Variants in COL21A1 observed in about 807,000 individuals in gnomAD.
The protein encoded by COL21A1 is collagen alpha-1(XXI) chain.
A neutral mutation model predicts 137.9 loss-of-function variants in COL21A1; 149 were observed. That is an observed-to-expected ratio of 1.08 (90% CI 0.95 to 1.24). COL21A1 has a LOEUF of 1.24. Ranked by LOEUF, COL21A1 falls within the 50% of genes most tolerant of loss-of-function variation. The pLI is 0.00. For missense variants in COL21A1, 1,167 were observed against 1,158.4 expected (o/e 1.01, Z -0.11); for synonymous variants, 456 against 391.5 (o/e 1.16, Z -1.95).
At chr6:56,187,958 A>AT (rs903334533) in intron 1 of COL21A1, among the ~76,000 whole-genome samples, 1 of 152,152 alleles carries the variant, frequency 6.6e-6, no homozygotes, top group Non-Finnish European at 1.5e-5. Context: ...AAACAACACA[A>AT]TTTTTTTAAA....
intron 5 of COL21A1, 121 bp downstream of exon 5, chr6:56,170,528 T>C: frequency 1.4e-6 from 1 of 710,982 alleles, no homozygotes; most frequent in Non-Finnish European, 2.3e-6. Flanking sequence ...AACATTAAAA[T>C]TTAAAGTAAA....
chr6:56,210,714 T>C (rs902422116), intron 1 of COL21A1, among the ~76,000 whole-genome samples: 2 of 152,186 alleles, frequency 1.3e-5, no homozygotes, highest in African/African-American at 4.8e-5. Context: ...AAAGTAAAAC[T>C]TGAATCTACT....
Position 56,155,410 on chromosome 6 carries a change from T to C in COL21A1, c.1434+1477A>G, listed in dbSNP as rs570511714. Among the ~76,000 whole-genome samples the C allele has an allele frequency of 1.2e-4, 18 of 152,328 alleles. No individual in the cohort carries two copies. In the South Asian group the frequency reaches 3.7e-3, roughly 32 times the overall value. On this transcript the variant is annotated intron_variant, in intron 10 of 29. Coordinates refer to ENST00000244728, the MANE Select transcript of COL21A1 (RefSeq NM_030820.4). ...CTCTCTCAGGAACTTAAGCAACTCT[T>C]TCATCCTCATGGTTAAGGTATTGAT... is the stretch of plus-strand genomic sequence containing the variant.
At chr6:56,377,287 C>T (rs2094001085) in intron 1 of COL21A1, among the ~76,000 whole-genome samples, 1 of 152,098 alleles carries the variant, frequency 6.6e-6, no homozygotes, top group South Asian at 2.1e-4. Context: ...CCGCGCCCGG[C>T]CCGGAAAAAC....
intron 12 of COL21A1, among the ~76,000 whole-genome samples, chr6:56,140,069 C>T (rs1448505935): frequency 6.6e-6 from 1 of 152,126 alleles, no homozygotes; most frequent in Non-Finnish European, 1.5e-5. Flanking sequence ...AAGTTTCAAA[C>T]TCAATTTGAA....
chr6:56,211,444 C>G (rs1780172286), intron 1 of COL21A1, among the ~76,000 whole-genome samples: 2 of 151,914 alleles, frequency 1.3e-5, no homozygotes, highest in Non-Finnish European at 2.9e-5. Flanking sequence ...AAAAATATGT[C>G]AGAAATATTC....
intron 1 of COL21A1, among the ~76,000 whole-genome samples, chr6:56,253,614 G>A (rs772749947): frequency 8.5e-5 from 13 of 152,114 alleles, no homozygotes; most frequent in African/African-American, 1.9e-4. Context: ...TTTTCCCTAT[G>A]TGAGCATTTT....
At position 56,364,765 on chromosome 6, in the gene COL21A1, GA is replaced by G. The variant is rs10557266; in HGVS notation, c.-39+29205del. Among the ~76,000 whole-genome samples, 723 of 129,448 alleles carry G rather than the reference GA, an allele frequency of 5.6e-3. 1 individual carries two copies. Among genetic ancestry groups the G allele is most frequent in the Middle Eastern group, 0.018 (4 of 220 alleles). The allele number at this position is 129,448 out of a possible 152,430, so 84.9% of individuals were successfully genotyped here. ...TTATCTCTCTCTGTAAAGAGCCCAG[GA>G]AAAAAAAAAAAAAAAGATTCAGAAA... On this transcript the variant is annotated intron_variant, in intron 1 of 28. Transcript: ENST00000370819.
chr6:56,063,143 G>A (rs1223136261), intron 24 of COL21A1, among the ~76,000 whole-genome samples: 1 of 151,974 alleles, frequency 6.6e-6, no homozygotes, highest in African/African-American at 2.4e-5. Context: ...ACCAATCTAG[G>A]GCAGAAGCTT....
At chr6:56,126,023 G>T (rs1199428185) in intron 13 of COL21A1, 73 bp downstream of exon 13, 8 of 789,610 alleles carry the variant, frequency 1.0e-5, no homozygotes, top group African/African-American at 1.8e-5. Context: ...TAACATATTT[G>T]TAATATAAAA....
At chr6:56,075,973 T>C (rs1767200316) in intron 18 of COL21A1, among the ~76,000 whole-genome samples, 1 of 151,576 alleles carries the variant, frequency 6.6e-6, no homozygotes, top group African/African-American at 2.4e-5. Context: ...ACAAAAATCC[T>C]AGAAGGAACA....
At chr6:56,141,206 G>T (rs1486262512) in intron 12 of COL21A1, among the ~76,000 whole-genome samples, 1 of 152,134 alleles carries the variant, frequency 6.6e-6, no homozygotes, top group African/African-American at 2.4e-5. Context: ...GTCAATGGAT[G>T]AATGGATAAA....
chr6:56,257,862 A>T (rs1381112406), intron 1 of COL21A1, among the ~76,000 whole-genome samples: 1 of 152,146 alleles, frequency 6.6e-6, no homozygotes, highest in African/African-American at 2.4e-5. Context: ...CAGATTTGTC[A>T]ACCCTTGCAT....
chr6:56,125,055 C>G (rs1362551424), intron 14 of COL21A1, among the ~76,000 whole-genome samples: 1 of 109,482 alleles, frequency 9.1e-6, no homozygotes, highest in East Asian at 3.1e-4. Context: ...GAGTCTTGCT[C>G]TGTCACGCAG....
At chr6:56,370,180 C>T (rs1364930941) in intron 1 of COL21A1, among the ~76,000 whole-genome samples, 20 of 152,240 alleles carry the variant, frequency 1.3e-4, no homozygotes, top group African/African-American at 4.8e-4. Context: ...AGTCTGATCT[C>T]CAGGTCCTCG....
intron 5 of COL21A1, among the ~76,000 whole-genome samples, chr6:56,169,577 C>T (rs959602087): frequency 2.0e-5 from 3 of 151,908 alleles, no homozygotes; most frequent in African/African-American, 4.8e-5. Context: ...ACTTTGCATT[C>T]TCTAAATAAA....
Position 56,060,886 on chromosome 6 carries a change from C to T in COL21A1, c.2352+5G>A, listed in dbSNP as rs368234389. 2 of 1,582,378 alleles carry T rather than the reference C, an allele frequency of 1.3e-6. No homozygotes were observed. Among genetic ancestry groups the T allele is most frequent in the African/African-American group, 2.7e-5 (2 of 72,804 alleles). On this transcript the variant is annotated splice_donor_5th_base_variant and intron_variant, in intron 26 of 29. Transcript: ENST00000244728. ...TAATAACTGTGAAAGAAGCAGAATA[C>T]ATACGGGCTTCCCATCCAAACCTGG...
chr6:56,068,109 TAA>T (rs1162027199), intron 22 of COL21A1, among the ~76,000 whole-genome samples: 1 of 151,798 alleles, frequency 6.6e-6, no homozygotes, highest in East Asian at 1.9e-4. Flanking sequence ...TAACATTTAC[TAA>T]GAGTCTAACA....
intron 14 of COL21A1, 45 bp from the exon 15 acceptor site, chr6:56,124,337 T>G: frequency 6.5e-7 from 1 of 1,544,114 alleles, no homozygotes; most frequent in Non-Finnish European, 8.8e-7. Context: ...TACAATAATG[T>G]TTTCAAGTTC....
Sources: allele counts gnomAD v4.1 joint callset (sites outside exome capture counted in the v4.1 genomes callset), GRCh38; gene constraint gnomAD v4.1.1; transcripts MANE v1.5; gene names NCBI Gene and HGNC (gene_info 2026-07-23, HGNC 2026-07-21).